HS3ST5: variants seen among roughly 807,000 people sequenced by gnomAD.
The protein encoded by HS3ST5 is heparan sulfate-glucosamine 3-sulfotransferase 5, also known as heparan sulfate glucosamine 3-O-sulfotransferase 5.
Under a neutral mutation model 25.4 loss-of-function variants are expected in HS3ST5, and 10 were observed. The observed-to-expected ratio is 0.39, with a 90% confidence interval of 0.24 to 0.67. The LOEUF (loss-of-function observed/expected upper bound fraction) is 0.67. Ranked by LOEUF, HS3ST5 falls within the 30% of genes least tolerant of loss-of-function variation. The pLI is 0.44. For missense variants in HS3ST5, 324 were observed against 420.7 expected, an observed-to-expected ratio of 0.77 and a Z score of 2.01; for synonymous variants, 170 against 162.4, an observed-to-expected ratio of 1.05 and a Z score of -0.36.
intron 1 of HS3ST5, among the ~76,000 whole-genome samples, chr6:114,296,158 C>G (rs1045034421): frequency 6.6e-6 from 1 of 152,120 alleles, no homozygotes; most frequent in African/African-American, 2.4e-5. Context: ...TTCATAACTA[C>G]TAGCTATATT....
intron 2 of HS3ST5, among the ~76,000 whole-genome samples, chr6:114,210,455 G>A (rs1781464271): frequency 6.6e-6 from 1 of 152,174 alleles, no homozygotes; most frequent in Non-Finnish European, 1.5e-5. Context: ...TTAAGCAGCG[G>A]CAATGTGAAC....
chr6:114,115,967 A>C (rs1277963573), intron 3 of HS3ST5, among the ~76,000 whole-genome samples: 1 of 152,142 alleles, frequency 6.6e-6, no homozygotes, highest in Non-Finnish European at 1.5e-5. Context: ...AATTCTCATT[A>C]ACAATGAGCA....
chr6:114,285,743 G>A (rs1774310602), intron 1 of HS3ST5, among the ~76,000 whole-genome samples: 1 of 151,852 alleles, frequency 6.6e-6, no homozygotes, highest in Admixed American at 6.6e-5. Flanking sequence ...CTAGGTGATG[G>A]GTTGATAGGT....
chr6:114,318,943 A>G (rs1775853570), intron 1 of HS3ST5, among the ~76,000 whole-genome samples: 1 of 152,166 alleles, frequency 6.6e-6, no homozygotes, highest in African/African-American at 2.4e-5. Context: ...GCCCAAGGAG[A>G]CACAAAATGT....
chr6:114,085,212 A>C (rs1478964941), intron 3 of HS3ST5, among the ~76,000 whole-genome samples: 2 of 152,080 alleles, frequency 1.3e-5, no homozygotes, highest in East Asian at 3.9e-4. Context: ...GTTTTGTGAT[A>C]CTTCACTCTT....
At chr6:114,232,782 C>T (rs918400504) in intron 1 of HS3ST5, among the ~76,000 whole-genome samples, 2 of 152,098 alleles carry the variant, frequency 1.3e-5, no homozygotes, top group African/African-American at 4.8e-5. Context: ...ATTTTCAAAC[C>T]TACTTCACTA....
chr6:114,311,189 G>A (rs1055028945), intron 1 of HS3ST5, among the ~76,000 whole-genome samples: 12 of 152,094 alleles, frequency 7.9e-5, no homozygotes, highest in African/African-American at 2.9e-4. Flanking sequence ...CTGGGAAGTG[G>A]TTAAACAAGA....
At chr6:114,323,437 A>T (rs1359866817) in intron 1 of HS3ST5, among the ~76,000 whole-genome samples, 1 of 152,154 alleles carries the variant, frequency 6.6e-6, no homozygotes, top group Non-Finnish European at 1.5e-5. Flanking sequence ...TATCCTCAAA[A>T]ATCATTGTAA....
At chr6:114,225,331 G>C (rs894598642) in intron 2 of HS3ST5, among the ~76,000 whole-genome samples, 1 of 151,912 alleles carries the variant, frequency 6.6e-6, no homozygotes, top group East Asian at 1.9e-4. Context: ...TAGACTTGCT[G>C]TTTTGTTTGT....
intron 1 of HS3ST5, among the ~76,000 whole-genome samples, chr6:114,268,650 G>A (rs535107259): frequency 1.3e-5 from 2 of 152,304 alleles, no homozygotes; most frequent in East Asian, 1.9e-4. Flanking sequence ...CTTGCAGCTC[G>A]TCATTTCTTT....
chr6:114,300,639 A>C (rs946610316), intron 1 of HS3ST5, among the ~76,000 whole-genome samples: 12 of 152,312 alleles, frequency 7.9e-5, no homozygotes, highest in East Asian at 7.7e-4. Flanking sequence ...TGACCCAGCA[A>C]TTCCATTCCT....
chr6:114,200,898 G>T (rs187380580), intron 2 of HS3ST5, among the ~76,000 whole-genome samples: 1 of 152,170 alleles, frequency 6.6e-6, no homozygotes, highest in Admixed American at 6.5e-5. Context: ...TTCTCTCAAG[G>T]ATGCTCCATA....
intron 3 of HS3ST5, among the ~76,000 whole-genome samples, chr6:114,102,824 A>G (rs1343933291): frequency 6.6e-6 from 1 of 152,186 alleles, no homozygotes; most frequent in African/African-American, 2.4e-5. Flanking sequence ...TGAACTCCAG[A>G]ATGTGCCAAT....
At chr6:114,079,270 T>G (rs1205099622) in intron 3 of HS3ST5, among the ~76,000 whole-genome samples, 3 of 152,244 alleles carry the variant, frequency 2.0e-5, no homozygotes, top group African/African-American at 7.2e-5. Context: ...TTAACCACAG[T>G]AGAATTTATT....
chr6:114,134,592 T>C (rs145059936), intron 3 of HS3ST5, among the ~76,000 whole-genome samples: 1 of 152,284 alleles, frequency 6.6e-6, no homozygotes, highest in East Asian at 1.9e-4. Flanking sequence ...CACGTGGAAT[T>C]GTCAAGGAAA....
At chr6:114,196,134 A>C (rs1369483034) in intron 2 of HS3ST5, among the ~76,000 whole-genome samples, 1 of 151,976 alleles carries the variant, frequency 6.6e-6, no homozygotes, top group African/African-American at 2.4e-5. Context: ...CACTTATTAA[A>C]CTTTCGCTCC....
intron 3 of HS3ST5, among the ~76,000 whole-genome samples, chr6:114,139,254 G>A (rs1341112439): frequency 6.6e-6 from 1 of 152,130 alleles, no homozygotes; most frequent in Non-Finnish European, 1.5e-5. Flanking sequence ...GGCCATCTGG[G>A]ATGATTAACA....
intron 3 of HS3ST5, among the ~76,000 whole-genome samples, chr6:114,068,916 A>C (rs553502936): frequency 1.4e-4 from 21 of 152,328 alleles, no homozygotes; most frequent in African/African-American, 5.1e-4. Flanking sequence ...TGAACAAAGC[A>C]GAGTATCTAA....
intron 1 of HS3ST5, among the ~76,000 whole-genome samples, chr6:114,269,898 G>A (rs1201630736): frequency 6.6e-6 from 1 of 152,134 alleles, no homozygotes; most frequent in Non-Finnish European, 1.5e-5. Context: ...CTTGATAATG[G>A]ATTTAATATT....
Sources: allele counts gnomAD v4.1 joint callset (sites outside exome capture counted in the v4.1 genomes callset), GRCh38; gene constraint gnomAD v4.1.1; transcripts MANE v1.5; gene names NCBI Gene and HGNC (gene_info 2026-07-23, HGNC 2026-07-21).